Variants in EXOC5 observed in about 807,000 individuals in gnomAD.
The protein encoded by EXOC5 is exocyst complex component 5.
In EXOC5, 17 loss-of-function variants were observed where a neutral mutation model predicts 90.8. That is an observed-to-expected ratio of 0.19 (90% CI 0.13 to 0.28). EXOC5 has a LOEUF of 0.28. Among genes scored for constraint, EXOC5 ranks in the 10% least tolerant of loss-of-function variants. The pLI is 1.00. For missense variants in EXOC5, 569 were observed against 830.6 expected, an observed-to-expected ratio of 0.69 and a Z score of 3.87; for synonymous variants, 260 against 270.0, an observed-to-expected ratio of 0.96 and a Z score of 0.36.
At chr14:57,257,280 G>A (rs1262419974) in intron 1 of EXOC5, among the ~76,000 whole-genome samples, 2 of 152,220 alleles carry the variant, frequency 1.3e-5, no homozygotes, top group Non-Finnish European at 2.9e-5. Context: ...GGAGATGGAT[G>A]AGGGAGCAGT....
At chr14:57,258,562 G>C (rs1204584258) in intron 1 of EXOC5, among the ~76,000 whole-genome samples, 1 of 152,160 alleles carries the variant, frequency 6.6e-6, no homozygotes, top group East Asian at 1.9e-4. Flanking sequence ...TAATGGACTA[G>C]GGGAGGGACA....
At chr14:57,268,225 C>G (rs1013008388) in intron 1 of EXOC5, 11 of 289,494 alleles carry the variant, frequency 3.8e-5, no homozygotes, top group African/African-American at 2.5e-4. Flanking sequence ...CGCGAGGACC[C>G]CAGCGACAAG....
chr14:57,220,768 C>G (rs1358798424), intron 13 of EXOC5, among the ~76,000 whole-genome samples: 3 of 152,008 alleles, frequency 2.0e-5, no homozygotes, highest in African/African-American at 7.3e-5. Flanking sequence ...CCACTGCACT[C>G]TGGCCTGGGT....
intron 4 of EXOC5, 46 bp from the exon 5 acceptor site, chr14:57,239,705 A>G: frequency 8.9e-7 from 1 of 1,123,022 alleles, no homozygotes; most frequent in Non-Finnish European, 1.3e-6. Flanking sequence ...ACTTTTAGGC[A>G]TATCAAAAAA....
chr14:57,211,363 T>A (rs1342728071), intron 15 of EXOC5, among the ~76,000 whole-genome samples: 1 of 152,192 alleles, frequency 6.6e-6, no homozygotes, highest in African/African-American at 2.4e-5. Context: ...TCTAAATGTA[T>A]TATTTTTTGT....
chr14:57,243,744 C>T (rs1343675157), intron 4 of EXOC5: 2 of 154,824 alleles, frequency 1.3e-5, no homozygotes, highest in Non-Finnish European at 2.9e-5. Flanking sequence ...TAATAAAAAC[C>T]AGAAGTTCTG....
intron 5 of EXOC5, among the ~76,000 whole-genome samples, chr14:57,239,194 G>T (rs1156595606): frequency 6.6e-6 from 1 of 151,940 alleles, no homozygotes; most frequent in African/African-American, 2.4e-5. Flanking sequence ...TTTCAAAGGT[G>T]TCCAAGGCCT....
At chr14:57,239,496 G>A (rs1594669298) in intron 5 of EXOC5, 99 bp downstream of exon 5, 13 of 724,096 alleles carry the variant, frequency 1.8e-5, no homozygotes, top group Middle Eastern at 3.7e-4. Context: ...ATAAATTTCC[G>A]TTTAATTAAT....
Position 57,205,244 on chromosome 14 carries a change from T to C in EXOC5, c.*3365A>G, listed in dbSNP as rs1280269453. On this transcript the variant is annotated 3_prime_UTR_variant, in exon 18 of 18. Coordinates refer to ENST00000621441, the MANE Select transcript of EXOC5 (RefSeq NM_006544.4). ...TAACTTTTAACTTCATGTAGAATTA[T>C]TCAGTCTAACAATATGAACTGATCT... The C allele has an allele frequency of 6.6e-6, 1 of 152,042 alleles. No individual in the cohort carries two copies. Among genetic ancestry groups the C allele is most frequent in the Non-Finnish European group, 1.5e-5 (1 of 67,918 alleles). The allele number at this position is 152,042 out of a possible 1,614,324, so 9.4% of individuals were successfully genotyped here.
At chr14:57,242,323 C>G (rs181602908) in intron 4 of EXOC5, among the ~76,000 whole-genome samples, 3 of 151,950 alleles carry the variant, frequency 2.0e-5, no homozygotes, top group Admixed American at 6.5e-5. Context: ...CAGCTCACTG[C>G]AGCCTCAACC....
intron 1 of EXOC5, among the ~76,000 whole-genome samples, chr14:57,250,664 G>A (rs1207076929): frequency 6.6e-6 from 1 of 152,050 alleles, no homozygotes; most frequent in African/African-American, 2.4e-5. Context: ...ATACCTAGTG[G>A]TCATTTCTGC....
At chr14:57,265,151 G>A (rs1422895419) in intron 1 of EXOC5, among the ~76,000 whole-genome samples, 2 of 143,418 alleles carry the variant, frequency 1.4e-5, no homozygotes, top group African/African-American at 2.6e-5. Context: ...TTTTTTTTGC[G>A]ACACATCTCA....
intron 4 of EXOC5, among the ~76,000 whole-genome samples, chr14:57,242,208 G>A (rs543870958): frequency 1.8e-4 from 27 of 151,612 alleles, no homozygotes; most frequent in Non-Finnish European, 2.9e-4. Flanking sequence ...ACACATAATA[G>A]GGTTTTTTTT....
chr14:57,258,049 T>C (rs952820259), intron 1 of EXOC5, among the ~76,000 whole-genome samples: 3 of 152,228 alleles, frequency 2.0e-5, no homozygotes, highest in Admixed American at 6.5e-5. Flanking sequence ...GGTTGTTATA[T>C]TGCTCCATTA....
chr14:57,245,183 T>C lies in EXOC5; in HGVS notation c.271-824A>G, dbSNP rs982736442. On this transcript the variant is annotated intron_variant, in intron 3 of 17. Coordinates refer to ENST00000621441, the MANE Select transcript of EXOC5 (RefSeq NM_006544.4). ...TTTCCCTTCTCCCAGGGTACACTGATTGTCCTGTGGCATATGGAAATTGAA... is the reference window on the plus strand; with the variant it reads ...TTTCCCTTCTCCCAGGGTACACTGACTGTCCTGTGGCATATGGAAATTGAA... Among the ~76,000 whole-genome samples, 4 of 152,154 alleles carry C rather than the reference T, an allele frequency of 2.6e-5. 1 individual carries two copies. The highest frequency in any genetic ancestry group is 1.3e-4 in the Admixed American group (2 of 15,266).
intron 12 of EXOC5, among the ~76,000 whole-genome samples, chr14:57,224,592 C>T (rs1214121710): frequency 1.3e-5 from 2 of 152,160 alleles, no homozygotes; most frequent in Non-Finnish European, 2.9e-5. Flanking sequence ...AAAATCCTCA[C>T]ACACAAAAAA....
intron 6 of EXOC5, among the ~76,000 whole-genome samples, chr14:57,236,305 G>A (rs1391302800): frequency 8.3e-6 from 1 of 120,288 alleles, no homozygotes; most frequent in Non-Finnish European, 1.6e-5. Context: ...TTTTTTTTTC[G>A]AGACAGAGTT....
intron 1 of EXOC5, among the ~76,000 whole-genome samples, chr14:57,249,891 C>A (rs1036691808): frequency 6.6e-6 from 1 of 152,140 alleles, no homozygotes. Flanking sequence ...CCTGCCTCAG[C>A]CTTCCTGAGT....
In EXOC5 at chr14:57,205,620, A is replaced by C. The variant is rs1170707860; in HGVS notation, c.*2989T>G. The C allele has an allele frequency of 3.0e-6, 1 of 328,302 alleles. No individual in the cohort carries two copies. Among genetic ancestry groups the C allele is most frequent in the East Asian group, 8.6e-5 (1 of 11,620 alleles). The allele number at this position is 328,302 out of a possible 1,614,324, so 20.3% of individuals were successfully genotyped here. Reference sequence around the variant, plus strand: ...GTAAATATTCACCATTACAGGTAAGAAAAACGCATTTTAGGGAAGCAGTGA... The same window carrying C: ...GTAAATATTCACCATTACAGGTAAGCAAAACGCATTTTAGGGAAGCAGTGA... On this transcript the variant is annotated 3_prime_UTR_variant, in exon 18 of 18. Transcript: ENST00000621441.
Sources: allele counts gnomAD v4.1 joint callset (sites outside exome capture counted in the v4.1 genomes callset), GRCh38; gene constraint gnomAD v4.1.1; transcripts MANE v1.5; gene names NCBI Gene and HGNC (gene_info 2026-07-23, HGNC 2026-07-21).